Variants in CTDP1 observed in about 807,000 individuals in gnomAD.
CTDP1 encodes the protein CTD phosphatase 1, also known as RNA polymerase II subunit A C-terminal domain phosphatase.
In CTDP1, 47 loss-of-function variants were observed where a neutral mutation model predicts 91.8. The observed-to-expected ratio is 0.51, with a 90% CI of 0.41 to 0.65. CTDP1 has a LOEUF of 0.65. Among genes scored for constraint, CTDP1 ranks in the 30% least tolerant of loss-of-function variants. CTDP1 has a pLI of 0.00. For synonymous variants in CTDP1, 656 were observed against 598.5 expected (o/e 1.10, Z -1.40); for missense variants, 1,272 against 1,373.7 (o/e 0.93, Z 1.17).
chr18:79,737,180 G>A (rs559015865), intron 12 of CTDP1, among the ~76,000 whole-genome samples: 5 of 152,352 alleles, frequency 3.3e-5, no homozygotes, highest in Admixed American at 2.0e-4. Context: ...CACTCTAAAC[G>A]CTGCTCACCT....
intron 11 of CTDP1, 51 bp from the exon 12 acceptor site, chr18:79,736,304 G>A: frequency 6.5e-7 from 1 of 1,548,228 alleles, no homozygotes; most frequent in South Asian, 1.2e-5. Context: ...CTGTTGCGGA[G>A]GAACGGGGCC....
chr18:79,686,202 A>T lies in CTDP1; in HGVS notation c.314+5941A>T, dbSNP rs1313200667. The stretch of plus-strand genomic sequence containing the variant: ...CCTGGAAATGGTTTGTAGGTTTCAG[A>T]AATTTTGTGTGCATTATCAGATTTG... On this transcript the variant is annotated intron_variant, in intron 1 of 12. Coordinates refer to ENST00000613122, the MANE Select transcript of CTDP1 (RefSeq NM_004715.5). Among the ~76,000 whole-genome samples the T allele has an allele frequency of 3.3e-5, 5 of 152,298 alleles. No individual in the cohort carries two copies. The East Asian group carries it at 9.6e-4, about 29-fold the overall frequency.
chr18:79,725,095 G>T (rs976484418), intron 10 of CTDP1, among the ~76,000 whole-genome samples: 3 of 152,234 alleles, frequency 2.0e-5, no homozygotes, highest in Non-Finnish European at 4.4e-5. Flanking sequence ...TCAGTATGTG[G>T]TGGTCACATT....
At chr18:79,743,409 C>A (rs1271518960) in intron 12 of CTDP1, among the ~76,000 whole-genome samples, 1 of 151,432 alleles carries the variant, frequency 6.6e-6, no homozygotes, top group Non-Finnish European at 1.5e-5. Context: ...GCCTGTAGTC[C>A]CAGCTACTCA....
At chr18:79,740,742 C>T (rs2086759897) in intron 12 of CTDP1, among the ~76,000 whole-genome samples, 1 of 152,192 alleles carries the variant, frequency 6.6e-6, no homozygotes, top group Admixed American at 6.5e-5. Flanking sequence ...GTGTTTTTTA[C>T]TTGTCTACCA....
intron 1 of CTDP1, among the ~76,000 whole-genome samples, chr18:79,682,284 A>T (rs2085389450): frequency 6.6e-6 from 1 of 152,118 alleles, no homozygotes; most frequent in Non-Finnish European, 1.5e-5. Flanking sequence ...CACAGTTGAA[A>T]ATTACTAGAT....
intron 5 of CTDP1, among the ~76,000 whole-genome samples, chr18:79,705,817 G>A (rs1373112731): frequency 6.6e-6 from 1 of 152,174 alleles, no homozygotes; most frequent in African/African-American, 2.4e-5. Flanking sequence ...TTAATATTTA[G>A]TGCCTTTATA....
intron 12 of CTDP1, among the ~76,000 whole-genome samples, chr18:79,746,794 A>G (rs2086891870): frequency 6.6e-6 from 1 of 152,084 alleles, no homozygotes; most frequent in African/African-American, 2.4e-5. Context: ...TGTTTTTAAA[A>G]TTTTTTTGTA....
Position 79,717,918 on chromosome 18 carries a change from C to A in CTDP1, c.2319C>A (p.Ile773=). 1 of 1,613,614 alleles carries A rather than the reference C, an allele frequency of 6.2e-7. No homozygotes were observed. The highest frequency in any genetic ancestry group is 1.1e-5 in the South Asian group (1 of 91,088). The change falls in exon 10 of 13, where the codon ATC becomes ATA. Residue 773 remains isoleucine (I), a synonymous_variant. Transcript: ENST00000613122. ...PKAQPGPEVR[I]YDSNTGKLIR... is the part of the protein sequence containing the mutation. ...CCCAGCCTGGCCCCGAGGTTCGGAT[C>A]TACGACTCCAACACGGGGAAGCTCA...
Sources: allele counts gnomAD v4.1 joint callset (sites outside exome capture counted in the v4.1 genomes callset), GRCh38; gene constraint gnomAD v4.1.1; transcripts MANE v1.5; gene names NCBI Gene and HGNC (gene_info 2026-07-23, HGNC 2026-07-21).